The following GNB2 variants were observed in gnomAD, a reference collection of about 807,000 sequenced individuals.
GNB2 encodes the protein guanine nucleotide-binding protein G(I)/G(S)/G(T) subunit beta-2.
A neutral mutation model predicts 40.7 loss-of-function variants in GNB2; 7 were observed. The observed-to-expected ratio is 0.17, with a 90% CI of 0.10 to 0.32. The LOEUF is 0.32. Ranked by LOEUF, GNB2 falls within the 10% of genes least tolerant of loss-of-function variation. The probability of loss-of-function intolerance (pLI) is 1.00; values close to 1 mark genes in which losing one functional copy is unlikely to be tolerated. For synonymous variants in GNB2, 254 were observed against 191.2 expected (o/e 1.33, Z -2.71); for missense variants, 286 against 473.0 (o/e 0.60, Z 3.67).
Position 100,678,242 on chromosome 7 carries a change from G to A in GNB2, c.642G>A (p.Arg214=). The A allele has an allele frequency of 6.2e-7, 1 of 1,614,014 alleles. No individual in the cohort carries two copies. Among genetic ancestry groups the A allele is most frequent in the East Asian group, 2.2e-5 (1 of 44,874 alleles). Residue 214 remains arginine, a synonymous_variant, in exon 8 of 10, where the codon CGG becomes CGA. Coordinates refer to ENST00000303210, the MANE Select transcript of GNB2 (RefSeq NM_005273.4). ...CDASIKLWDV[R]DSMCRQTFIG... ...CCTCTATCAAGCTGTGGGACGTGCG[G>A]GATTCCATGTGCCGACAGACCTTCA...
At position 100,677,790 on chromosome 7, in the gene GNB2, A is replaced by G. The variant is rs1446422421; in HGVS notation, c.469A>G (p.Ile157Val). 1 of 1,613,706 alleles carries G rather than the reference A, an allele frequency of 6.2e-7. No homozygotes were observed. Among genetic ancestry groups the G allele is most frequent in the East Asian group, 2.2e-5 (1 of 44,878 alleles). The change falls in exon 7 of 10, where the codon ATC becomes GTC. Residue 157 changes from isoleucine (I) to valine (V), a missense_variant. By Grantham distance (29) the Ile-to-Val change is conservative. Transcript: ENST00000303210. ...TTGCCGCTTCCTGGATGACAACCAA[A>G]TCATCACCAGCTCTGGGGATACCAC... ...SCCRFLDDNQ[I>V]ITSSGDTTCA...
rs753977280 is a variant in GNB2, at chr7:100,678,850, C to A, written c.*49C>A. ...GGCCAGGAGGGGCCCTGCCCATGCC[C>A]ACACTACAGGCCAGGGCTGCGGGGC... On this transcript the variant is annotated 3_prime_UTR_variant, in exon 10 of 10. Coordinates refer to ENST00000303210, the MANE Select transcript of GNB2 (RefSeq NM_005273.4). 3 of 1,404,912 alleles carry A rather than the reference C, an allele frequency of 2.1e-6. No individual in the cohort carries two copies. Among genetic ancestry groups the A allele is most frequent in the Admixed American group, 1.7e-5 (1 of 58,904 alleles). The allele number at this position is 1,404,912 out of a possible 1,614,324, so 87.0% of individuals were successfully genotyped here. A position where few individuals can be genotyped will look rare whatever the true frequency, so the allele number is the denominator to read the frequency against.
In GNB2 at chr7:100,677,837, T is replaced by C. The variant is rs1196885764; in HGVS notation, c.497+19T>C. 2 of 1,602,284 alleles carry C rather than the reference T, an allele frequency of 1.2e-6. No homozygotes were observed. Among genetic ancestry groups the C allele is most frequent in the Non-Finnish European group, 1.7e-6 (2 of 1,170,446 alleles). On this transcript the variant is annotated intron_variant, in intron 7 of 9. Transcript: ENST00000303210. ...CCACCTGGTGAGGCTCTGCCAGGGC[T>C]GGGCAGTCTGGGCAAACCCACACTT...
intron 3 of GNB2, 26 bp downstream of exon 3, chr7:100,676,599 T>G (rs1200896229): frequency 6.3e-7 from 1 of 1,598,350 alleles, no homozygotes; most frequent in Non-Finnish European, 8.6e-7. Flanking sequence ...GGCCAGAGCG[T>G]AACTAGGGGT....
At position 100,677,428 on chromosome 7, in the gene GNB2, G is replaced by A. The variant is rs766632504; in HGVS notation, c.267+13G>A. 51 of 1,613,442 alleles carry A rather than the reference G, an allele frequency of 3.2e-5. No individual in the cohort carries two copies. The highest frequency in any genetic ancestry group is 8.9e-5 in the East Asian group (4 of 44,878). ...CACCACCAACAAGGTAGGGTGGCGCGGGCTGCGGGGTGGGGCAGGGCCACA... is the reference window on the plus strand; with the variant it reads ...CACCACCAACAAGGTAGGGTGGCGCAGGCTGCGGGGTGGGGCAGGGCCACA... On this transcript the variant is annotated intron_variant, in intron 5 of 9. Transcript: ENST00000303210.
At chr7:100,677,208 TC>T (rs1218526529) in intron 4 of GNB2, 143 bp from the exon 5 acceptor site, 4 of 656,114 alleles carry the variant, frequency 6.1e-6, no homozygotes, top group Non-Finnish European at 1.1e-5. Flanking sequence ...GCCTAGGAGT[TC>T]CAGGCTGCAG....
rs184618870 is a variant in GNB2, at chr7:100,673,847, G to A, written c.-166G>A. ...CGCCGCCGCCGCCGCCGCCGCCGCC[G>A]CCGCCTCCGCCGCGGAGGAAGACAG... On this transcript the variant is annotated 5_prime_UTR_variant, in exon 1 of 10. Coordinates refer to ENST00000303210, the MANE Select transcript of GNB2 (RefSeq NM_005273.4). The A allele has an allele frequency of 1.6e-5, 3 of 182,478 alleles. No individual in the cohort carries two copies. The highest frequency in any genetic ancestry group is 2.5e-5 in the African/African-American group (1 of 39,528). The allele number at this position is 182,478 out of a possible 1,614,324, so 11.3% of individuals were successfully genotyped here. A position where few individuals can be genotyped will look rare whatever the true frequency, so the allele number is the denominator to read the frequency against.
chr7:100,674,329 C>T (rs1277112301), intron 1 of GNB2, among the ~76,000 whole-genome samples: 1 of 151,852 alleles, frequency 6.6e-6, no homozygotes, highest in Admixed American at 6.6e-5. Flanking sequence ...CGGCCCTCGC[C>T]TTGCACAACT....
intron 1 of GNB2, chr7:100,675,895 T>A: frequency 1.4e-5 from 3 of 219,826 alleles, no homozygotes; most frequent in Admixed American, 5.9e-5. Context: ...CCCCAGTTCC[T>A]GCCGCGGGTG....
chr7:100,677,653 C>G lies in GNB2; in HGVS notation c.423C>G (p.Gly141=). 6.2e-7 allele frequency: 1 copy of G among 1,613,392 alleles called. No individual in the cohort carries two copies. Among genetic ancestry groups the G allele is most frequent in the East Asian group, 2.2e-5 (1 of 44,884 alleles). The part of the protein sequence containing the change: ...GNVRVSRELP[G]HTGYLSCCRF... ...TCAGGGTCAGCCGGGAGCTGCCTGG[C>G]CACACTGGTGAGGGGCCTGGCCCAG... Residue 141 remains glycine, a synonymous_variant, in exon 6 of 10, where the codon GGC becomes GGG. Coordinates refer to ENST00000303210, the MANE Select transcript of GNB2 (RefSeq NM_005273.4).
Position 100,678,893 on chromosome 7 carries a change from C to G in GNB2, c.*92C>G, listed in dbSNP as rs1362202970. On this transcript the variant is annotated 3_prime_UTR_variant, in exon 10 of 10. Transcript: ENST00000303210. ...TGCGGGGCTGGCGCAATCCCAGCCCCCTTCCCCGGGCCACGGGGCCTTGGG... is the reference window on the plus strand; with the variant it reads ...TGCGGGGCTGGCGCAATCCCAGCCCGCTTCCCCGGGCCACGGGGCCTTGGG... 1.1e-5 allele frequency: 11 copies of G among 1,024,172 alleles called. No individual in the cohort carries two copies. The highest frequency in any genetic ancestry group is 1.5e-5 in the Non-Finnish European group (10 of 685,044). 63.4% of individuals were successfully genotyped at this position (1,024,172 alleles called of 1,614,324 possible).
rs200286640 is a variant in GNB2 at position 100,678,604 on chromosome 7, C to T, written c.906C>T (p.Gly302=). 130 of 1,613,302 alleles carry T rather than the reference C, an allele frequency of 8.1e-5. No homozygotes were observed. The highest frequency in any genetic ancestry group is 4.0e-4 in the East Asian group (18 of 44,890). ...FNCNIWDAMK[G]DRAGVLAGHD... is the part of the protein sequence containing the mutation. ...GCAACATCTGGGATGCCATGAAGGG[C>T]GACCGTGCAGGTGACAGCTGGGGCC... Residue 302 remains glycine, a synonymous_variant, in exon 9 of 10, where the codon GGC becomes GGT. Coordinates refer to ENST00000303210, the MANE Select transcript of GNB2 (RefSeq NM_005273.4).
In GNB2 at chr7:100,675,925, G is replaced by A. The variant is rs1448164628; in HGVS notation, c.-89-252G>A. On this transcript the variant is annotated intron_variant, in intron 1 of 9. Coordinates refer to ENST00000303210, the MANE Select transcript of GNB2 (RefSeq NM_005273.4). ...CGGGTGTCCTGCCCGGGCTGTGTCCGAGGGAGGGGTTTCCCCTGCGCTTCC... is the reference window on the plus strand; with the variant it reads ...CGGGTGTCCTGCCCGGGCTGTGTCCAAGGGAGGGGTTTCCCCTGCGCTTCC... 2.8e-5 allele frequency: 8 copies of A among 287,376 alleles called. No homozygotes were observed. The East Asian group carries it at 4.2e-4, about 15-fold the overall frequency. 17.8% of individuals were successfully genotyped at this position (287,376 alleles called of 1,614,324 possible).
Position 100,678,721 on chromosome 7 carries a change from G to C in GNB2, c.943G>C (p.Val315Leu). 1 of 1,613,712 alleles carries C rather than the reference G, an allele frequency of 6.2e-7. No individual in the cohort carries two copies. Among genetic ancestry groups the C allele is most frequent in the Non-Finnish European group, 8.5e-7 (1 of 1,179,960 alleles). ...AGVLAGHDNR[V>L]SCLGVTDDGM... ...AGTCCTCGCTGGCCACGACAACCGC[G>C]TGAGCTGCCTCGGGGTCACCGACGA... Residue 315 changes from valine to leucine, a missense_variant, in exon 10 of 10, where the codon GTG becomes CTG. Physicochemically the swap from Val to Leu is conservative, Grantham distance 32 (BLOSUM62 1). Transcript: ENST00000303210.
At chr7:100,678,337 C>G in intron 8 of GNB2, 38 bp downstream of exon 8, 2 of 1,604,130 alleles carry the variant, frequency 1.2e-6, no homozygotes, top group Non-Finnish European at 1.7e-6. Context: ...CCCTCCCCAC[C>G]AGGCTCCCGG....
Position 100,677,427 on chromosome 7 carries a change from C to T in GNB2, c.267+12C>T, listed in dbSNP as rs370671834. The T allele has an allele frequency of 1.2e-5, 20 of 1,613,280 alleles. No individual in the cohort carries two copies. The highest frequency in any genetic ancestry group is 2.2e-5 in the East Asian group (1 of 44,900). The stretch of plus-strand genomic sequence containing the variant: ...ACACCACCAACAAGGTAGGGTGGCG[C>T]GGGCTGCGGGGTGGGGCAGGGCCAC... On this transcript the variant is annotated intron_variant, in intron 5 of 9. Transcript: ENST00000303210.
In GNB2 at chr7:100,673,791, T is replaced by C. The variant is rs1302644005; in HGVS notation, c.-222T>C. On this transcript the variant is annotated 5_prime_UTR_variant, in exon 1 of 10. Transcript: ENST00000303210. ...GGGGAGGCAGCGCTGGCGGCGGGGCTGGGGCCACTGAGGAAATCCATCCGC... is the reference window on the plus strand; with the variant it reads ...GGGGAGGCAGCGCTGGCGGCGGGGCCGGGGCCACTGAGGAAATCCATCCGC... The C allele has an allele frequency of 1.1e-5, 2 of 180,258 alleles. No homozygotes were observed. The highest frequency in any genetic ancestry group is 4.9e-5 in the African/African-American group (2 of 41,180). The allele number at this position is 180,258 out of a possible 1,614,324, so 11.2% of individuals were successfully genotyped here. A position where few individuals can be genotyped will look rare whatever the true frequency, so the allele number is the denominator to read the frequency against.
At position 100,678,912 on chromosome 7, in the gene GNB2, C is replaced by T; in HGVS notation, c.*111C>T. 1.2e-6 allele frequency: 1 copy of T among 804,254 alleles called. No individual in the cohort carries two copies. The highest frequency in any genetic ancestry group is 2.0e-6 in the Non-Finnish European group (1 of 501,456). 49.8% of individuals were successfully genotyped at this position (804,254 alleles called of 1,614,324 possible). On this transcript the variant is annotated 3_prime_UTR_variant, in exon 10 of 10. Transcript: ENST00000303210. ...CAGCCCCCTTCCCCGGGCCACGGGGCCTTGGGTCCCTGCCCTCCCACCCAG... is the reference window on the plus strand; with the variant it reads ...CAGCCCCCTTCCCCGGGCCACGGGGTCTTGGGTCCCTGCCCTCCCACCCAG...
In GNB2 at chr7:100,677,677, A is replaced by G; in HGVS notation, c.430+17A>G. On this transcript the variant is annotated intron_variant, in intron 6 of 9. Transcript: ENST00000303210. ...GCCACACTGGTGAGGGGCCTGGCCC[A>G]GTTCGGGCCCTTTTTGGGGTTGGGG... 1 of 1,613,154 alleles carries G rather than the reference A, an allele frequency of 6.2e-7. No individual in the cohort carries two copies.
Sources: gnomAD v4.1 joint callset for allele counts (sites outside exome capture counted in the v4.1 genomes callset) on GRCh38, gnomAD v4.1.1 for gene constraint, MANE v1.5 for transcripts, NCBI Gene and HGNC (gene_info 2026-07-23, HGNC 2026-07-21) for gene names.